The following DEPTOR variants were observed in gnomAD, a reference collection of about 807,000 sequenced individuals.
DEPTOR encodes DEP domain containing MTOR interacting protein, also known as DEP domain-containing mTOR-interacting protein.
In DEPTOR, 41 loss-of-function variants were observed where a neutral mutation model predicts 41.6. The ratio of observed to expected loss-of-function variants is 0.98; its 90% CI spans 0.77 to 1.28. The LOEUF (loss-of-function observed/expected upper bound fraction) is 1.28, where lower values mean the gene tolerates loss of function less well. Ranked by LOEUF, DEPTOR falls within the 50% of genes most tolerant of loss-of-function variation. The pLI is 0.00. For missense variants in DEPTOR, 514 were observed against 527.9 expected (o/e 0.97, Z 0.26); for synonymous variants, 195 against 192.3 (o/e 1.01, Z -0.12).
intron 3 of DEPTOR, among the ~76,000 whole-genome samples, chr8:119,944,028 G>T (rs1054828883): frequency 6.6e-6 from 1 of 152,036 alleles, no homozygotes; most frequent in Non-Finnish European, 1.5e-5. Flanking sequence ...TTTTAGGAGA[G>T]ACAGGGTTTC....
At chr8:119,900,979 A>G (rs1827582921) in intron 1 of DEPTOR, among the ~76,000 whole-genome samples, 1 of 152,190 alleles carries the variant, frequency 6.6e-6, no homozygotes, top group Non-Finnish European at 1.5e-5. Flanking sequence ...TCCCTAGTGG[A>G]AAGTAAAATT....
At chr8:119,995,946 C>A (rs9297610) in intron 4 of DEPTOR, among the ~76,000 whole-genome samples, 6,401 of 152,194 alleles carry the variant, frequency 0.042, 252 homozygotes, top group South Asian at 0.17. Flanking sequence ...ACACACAAAG[C>A]AAATGTGTGA....
intron 3 of DEPTOR, among the ~76,000 whole-genome samples, chr8:119,944,241 C>A (rs1433748311): frequency 6.6e-6 from 1 of 152,218 alleles, no homozygotes. Context: ...CTCCCATCTC[C>A]TTGAGTGGAC....
chr8:119,919,598 AG>A (rs1827864782), intron 1 of DEPTOR, among the ~76,000 whole-genome samples: 1 of 152,126 alleles, frequency 6.6e-6, no homozygotes, highest in African/African-American at 2.4e-5. Flanking sequence ...TGTGTGATAA[AG>A]AGTGACTTTC....
In DEPTOR at chr8:119,969,135, A is replaced by T. The variant is rs1305054779; in HGVS notation, c.604+3725A>T. On this transcript the variant is annotated intron_variant, in intron 4 of 8. Coordinates refer to ENST00000286234, the MANE Select transcript of DEPTOR (RefSeq NM_022783.4). Reference sequence around the variant, plus strand: ...AGATGATACCAACTTCTAGGAGAAAACCAGCCTCTTATACTATGATGTACT... The same window carrying T: ...AGATGATACCAACTTCTAGGAGAAATCCAGCCTCTTATACTATGATGTACT... 2.0e-5 allele frequency among the ~76,000 whole-genome samples: 3 copies of T among 152,012 alleles called. No homozygotes were observed. In the East Asian group the frequency reaches 5.8e-4, roughly 30 times the overall value.
rs918175462 is a variant in DEPTOR, at chr8:119,929,957, C to T, written c.425+19C>T. The stretch of plus-strand genomic sequence containing the variant: ...ATGAAAAGTATGTTCCGCATGAAAT[C>T]CCCCCTGTAATCTTGACTTATAGAA... On this transcript the variant is annotated intron_variant, in intron 3 of 8. Transcript: ENST00000286234. The T allele has an allele frequency of 1.9e-6, 3 of 1,601,566 alleles. No homozygotes were observed. The highest frequency in any genetic ancestry group is 3.4e-5 in the Admixed American group (2 of 59,290).
In DEPTOR at chr8:119,873,868, G is replaced by A. The variant is rs148486516; in HGVS notation, c.22G>A (p.Gly8Ser). 20 of 1,613,274 alleles carry A rather than the reference G, an allele frequency of 1.2e-5. No homozygotes were observed. The highest frequency in any genetic ancestry group is 6.7e-5 in the African/African-American group (5 of 74,864). Residue 8 changes from glycine (G) to serine (S), a missense_variant, in exon 1 of 9, where the codon GGC becomes AGC. By Grantham distance (56) the Gly-to-Ser change is moderately conservative (BLOSUM62 0). Transcript: ENST00000286234. MEEGGST[G>S]SAGSDSSTSG... ...AACCATGGAGGAGGGCGGCAGCACT[G>A]GCAGTGCTGGCAGTGACAGCAGCAC...
At chr8:120,041,800 G>A (rs776649088) in intron 8 of DEPTOR, among the ~76,000 whole-genome samples, 15 of 152,150 alleles carry the variant, frequency 9.9e-5, no homozygotes, top group Non-Finnish European at 1.9e-4. Context: ...GCCTCCCAAA[G>A]TGCTGGGATT....
intron 5 of DEPTOR, among the ~76,000 whole-genome samples, chr8:120,001,945 T>G (rs146558538): frequency 1.1e-3 from 161 of 152,178 alleles, no homozygotes; most frequent in Non-Finnish European, 1.9e-3. Context: ...TCCTCTAGGC[T>G]CTCACTCAAA....
In DEPTOR at chr8:120,034,264, TACAC is replaced by T. The variant is rs71571645; in HGVS notation, c.1102-15280_1102-15277del. 1.8e-3 allele frequency among the ~76,000 whole-genome samples: 255 copies of T among 145,372 alleles called. 2 individuals carry two copies. The highest frequency in any genetic ancestry group is 6.9e-3 in the Middle Eastern group (2 of 288). ...TAACTGTGTGTCTCTGCAAAGCATG[TACAC>T]ACACACACACACACACACACACACA... On this transcript the variant is annotated intron_variant, in intron 8 of 8. Coordinates refer to ENST00000286234, the MANE Select transcript of DEPTOR (RefSeq NM_022783.4).
At chr8:119,966,415 T>C (rs903022777) in intron 4 of DEPTOR, among the ~76,000 whole-genome samples, 2 of 152,204 alleles carry the variant, frequency 1.3e-5, no homozygotes, top group Non-Finnish European at 2.9e-5. Flanking sequence ...AGGTTATACA[T>C]GTAAGGGCCA....
At chr8:119,896,019 A>G (rs953555337) in intron 1 of DEPTOR, among the ~76,000 whole-genome samples, 1 of 152,054 alleles carries the variant, frequency 6.6e-6, no homozygotes, top group Non-Finnish European at 1.5e-5. Flanking sequence ...GCCAAGATAC[A>G]TGGCTAATTT....
At chr8:119,970,856 G>T (rs1468910252) in intron 4 of DEPTOR, among the ~76,000 whole-genome samples, 1 of 152,098 alleles carries the variant, frequency 6.6e-6, no homozygotes, top group African/African-American at 2.4e-5. Context: ...GCCGTGAAAT[G>T]CAGTAACACG....
At chr8:119,984,208 C>T (rs1169644130) in intron 4 of DEPTOR, among the ~76,000 whole-genome samples, 1 of 152,178 alleles carries the variant, frequency 6.6e-6, no homozygotes, top group Non-Finnish European at 1.5e-5. Context: ...TGGAAGCACA[C>T]ATGGCTAATA....
intron 8 of DEPTOR, among the ~76,000 whole-genome samples, chr8:120,013,154 C>A (rs1243698802): frequency 5.5e-4 from 70 of 126,964 alleles, no homozygotes; most frequent in South Asian, 1.3e-3. Context: ...GAGACTGTCT[C>A]AAAAAGAAAA....
chr8:120,000,892 A>G (rs1675764832), intron 4 of DEPTOR, among the ~76,000 whole-genome samples: 1 of 151,814 alleles, frequency 6.6e-6, no homozygotes, highest in African/African-American at 2.4e-5. Context: ...AGCCTGGCCA[A>G]CATGGTGCAA....
rs566815999 is a variant in DEPTOR at position 119,913,046 on chromosome 8, G to A, written c.123-15354G>A. On this transcript the variant is annotated intron_variant, in intron 1 of 8. Transcript: ENST00000286234. ...AGAGATTTTCCCTCCTCAGCTTCCC[G>A]AGTAGCTGGGATTACAGGCACCTAC... Among the ~76,000 whole-genome samples the A allele has an allele frequency of 6.5e-4, 99 of 152,066 alleles. 1 individual carries two copies. The highest frequency in any genetic ancestry group is 9.9e-4 in the Non-Finnish European group (67 of 67,974).
chr8:119,963,626 C>T (rs1292722331), intron 3 of DEPTOR, among the ~76,000 whole-genome samples: 3 of 152,174 alleles, frequency 2.0e-5, no homozygotes, highest in Non-Finnish European at 4.4e-5. Flanking sequence ...GCTGGGACTA[C>T]AGGTGTGAGC....
chr8:119,931,608 T>C (rs937775385), intron 3 of DEPTOR, among the ~76,000 whole-genome samples: 10 of 152,148 alleles, frequency 6.6e-5, no homozygotes, highest in African/African-American at 2.4e-4. Flanking sequence ...CTCCGTTTCT[T>C]GAGGTGGAAT....
Sources: gnomAD v4.1 joint callset for allele counts (sites outside exome capture counted in the v4.1 genomes callset) on GRCh38, gnomAD v4.1.1 for gene constraint, MANE v1.5 for transcripts, NCBI Gene and HGNC (gene_info 2026-07-23, HGNC 2026-07-21) for gene names.